Variants in MTRF1 observed in about 807,000 individuals in gnomAD.
The protein encoded by MTRF1 is peptide chain release factor 1, mitochondrial.
In MTRF1, 51 loss-of-function variants were observed where a neutral mutation model predicts 62.9. The observed-to-expected ratio is 0.81, with a 90% CI of 0.65 to 1.02. The LOEUF is 1.02. Ranked by LOEUF, MTRF1 falls within the 50% of genes least tolerant of loss-of-function variation. MTRF1 has a pLI of 0.00. For synonymous variants in MTRF1, 158 were observed against 181.9 expected (o/e 0.87, Z 1.06); for missense variants, 446 against 530.0 (o/e 0.84, Z 1.56).
At chr13:41,290,918 C>A in the MTRF1 span, among the ~76,000 whole-genome samples, 1 of 149,844 alleles carries the variant, frequency 6.7e-6, no homozygotes, top group Non-Finnish European at 1.5e-5. Flanking sequence ...CATGGAGAAA[C>A]CCCGTCTCTA....
chr13:41,288,236 G>A, the MTRF1 span: 8 of 422,102 alleles, frequency 1.9e-5, no homozygotes, highest in East Asian at 1.4e-4. Context: ...AATGCATTGG[G>A]AAATGCATTG....
rs114259148 is a variant in MTRF1, at chr13:41,233,463, G to A, written c.988+427C>T. ...GTAGGAATATTTAAAATCACATTAC[G>A]GACAGCAAAACTACCTCAGAGTATA... On this transcript the variant is annotated intron_variant, in intron 7 of 9. Transcript: ENST00000379480. Among the ~76,000 whole-genome samples, 1,441 of 151,912 alleles carry A rather than the reference G, an allele frequency of 9.5e-3. 21 individuals carry two copies. The highest frequency in any genetic ancestry group is 0.033 in the African/African-American group (1,357 of 41,448).
At chr13:41,300,325 G>A in the MTRF1 span, among the ~76,000 whole-genome samples, 1 of 152,106 alleles carries the variant, frequency 6.6e-6, no homozygotes, top group African/African-American at 2.4e-5. Flanking sequence ...CGTGGCTCAC[G>A]CTAGTAATCC....
chr13:41,275,492 G>A, the MTRF1 span, among the ~76,000 whole-genome samples: 1 of 138,026 alleles, frequency 7.2e-6, no homozygotes, highest in South Asian at 2.2e-4. Context: ...GTGCCACCGT[G>A]CCCGGCTTTT....
intron 5 of MTRF1, among the ~76,000 whole-genome samples, chr13:41,247,881 T>C (rs2038486947): frequency 6.6e-6 from 1 of 152,170 alleles, no homozygotes; most frequent in African/African-American, 2.4e-5. Flanking sequence ...GGGCATGAGC[T>C]AAAACTCATT....
At chr13:41,283,546 T>TCCAGCTTC in the MTRF1 span, among the ~76,000 whole-genome samples, 12 of 149,226 alleles carry the variant, frequency 8.0e-5, 1 homozygote, top group East Asian at 2.4e-3. Context: ...ATACCAGGAC[T>TCCAGCTTC]CCAGCTTCTA....
intron 5 of MTRF1, among the ~76,000 whole-genome samples, chr13:41,251,672 A>G (rs1010591641): frequency 2.0e-5 from 3 of 152,130 alleles, no homozygotes; most frequent in Admixed American, 2.0e-4. Flanking sequence ...TTTACTGCTC[A>G]ACTTACATGA....
intron 5 of MTRF1, among the ~76,000 whole-genome samples, chr13:41,246,041 C>A (rs2038205182): frequency 1.1e-5 from 1 of 88,156 alleles, no homozygotes; most frequent in Admixed American, 1.2e-4. Flanking sequence ...TTACCTACAG[C>A]CCGAACACTT....
chr13:41,225,798 ACT>A (rs1324792066), intron 8 of MTRF1, among the ~76,000 whole-genome samples: 29 of 132,548 alleles, frequency 2.2e-4, no homozygotes, highest in Admixed American at 7.4e-4. Flanking sequence ...ACAGAGCGAG[ACT>A]CTGTCATTAA....
the MTRF1 span, among the ~76,000 whole-genome samples, chr13:41,271,416 G>C: frequency 1.3e-5 from 2 of 152,106 alleles, no homozygotes; most frequent in Non-Finnish European, 2.9e-5. Context: ...CTCATTCTTA[G>C]AGTATTTGTT....
the MTRF1 span, among the ~76,000 whole-genome samples, chr13:41,290,731 A>T: frequency 6.6e-6 from 1 of 151,548 alleles, no homozygotes; most frequent in Non-Finnish European, 1.5e-5. Context: ...GATATATTTG[A>T]ATCTAGTTAT....
chr13:41,283,820 A>G, the MTRF1 span, among the ~76,000 whole-genome samples: 7,899 of 151,010 alleles, frequency 0.052, 277 homozygotes, highest in Non-Finnish European at 0.073. Flanking sequence ...CTCGTGATCC[A>G]CCCGCCTCGG....
At chr13:41,220,752 C>G (rs761912237) in intron 9 of MTRF1, 4 of 460,354 alleles carry the variant, frequency 8.7e-6, no homozygotes, top group Non-Finnish European at 1.6e-5. Flanking sequence ...ACTGAAGATG[C>G]TTTCTCTTGG....
At chr13:41,293,049 A>G in the MTRF1 span, among the ~76,000 whole-genome samples, 2 of 152,250 alleles carry the variant, frequency 1.3e-5, no homozygotes, top group Admixed American at 1.3e-4. Flanking sequence ...AACACATTCC[A>G]ATTTAGTCAG....
intron 5 of MTRF1, 97 bp from the exon 6 acceptor site, chr13:41,240,530 G>C: frequency 8.7e-7 from 1 of 1,145,054 alleles, no homozygotes; most frequent in Non-Finnish European, 1.2e-6. Context: ...GTTGAGTACA[G>C]AGCCTAAGAT....
At chr13:41,271,100 A>G in the MTRF1 span, among the ~76,000 whole-genome samples, 3 of 149,612 alleles carry the variant, frequency 2.0e-5, no homozygotes, top group Admixed American at 2.0e-4. Flanking sequence ...CACCCCATAT[A>G]GCTTTTACTT....
chr13:41,309,121 T>C, the MTRF1 span, among the ~76,000 whole-genome samples: 2 of 152,184 alleles, frequency 1.3e-5, no homozygotes, highest in African/African-American at 2.4e-5. Flanking sequence ...AGTCCACCGA[T>C]GGGCATCTAG....
the MTRF1 span, among the ~76,000 whole-genome samples, chr13:41,306,562 G>A: frequency 6.6e-6 from 1 of 152,200 alleles, no homozygotes; most frequent in Non-Finnish European, 1.5e-5. Flanking sequence ...GTTGCCAGCT[G>A]GCTCTGGAAG....
chr13:41,260,458 C>A (rs1353661965), intron 2 of MTRF1, 35 bp downstream of exon 2: 2 of 1,542,472 alleles, frequency 1.3e-6, no homozygotes, highest in Admixed American at 1.9e-5. Flanking sequence ...TTTTTCATAG[C>A]CCTTATGCAG....
Sources: gnomAD v4.1 joint callset for allele counts (sites outside exome capture counted in the v4.1 genomes callset) on GRCh38, gnomAD v4.1.1 for gene constraint, MANE v1.5 for transcripts, NCBI Gene and HGNC (gene_info 2026-07-23, HGNC 2026-07-21) for gene names.